The following GABBR2 variants were observed in gnomAD, a reference collection of about 807,000 sequenced individuals.
The protein encoded by GABBR2 is G-protein coupled receptor 51.
GABBR2 carries 23 observed loss-of-function variants against 105.6 expected under a neutral mutation model. The observed-to-expected ratio is 0.22, with a 90% CI of 0.16 to 0.31. The LOEUF is 0.31. GABBR2 is among the 10% of genes least tolerant of loss of function. GABBR2 has a pLI of 1.00. For synonymous variants in GABBR2, 478 were observed against 499.7 expected (o/e 0.96, Z 0.58); for missense variants, 734 against 1,245.5 (o/e 0.59, Z 6.18).
intron 6 of GABBR2, among the ~76,000 whole-genome samples, chr9:98,455,462 AG>A (rs1315310903): frequency 6.6e-6 from 1 of 152,202 alleles, no homozygotes. Flanking sequence ...TATACTGAGA[AG>A]GGCCCCTTAG....
intron 4 of GABBR2, among the ~76,000 whole-genome samples, chr9:98,484,327 G>T (rs1226987486): frequency 1.3e-5 from 2 of 152,178 alleles, no homozygotes; most frequent in African/African-American, 4.8e-5. Context: ...TCCCAGAGAG[G>T]TACAAGCTCT....
At chr9:98,683,148 C>A (rs776350984) in intron 1 of GABBR2, among the ~76,000 whole-genome samples, 3 of 152,212 alleles carry the variant, frequency 2.0e-5, no homozygotes, top group Middle Eastern at 3.4e-3. Flanking sequence ...GGCTAGAGTG[C>A]AATGGCGCGA....
chr9:98,416,785 C>T (rs961394829), intron 7 of GABBR2, among the ~76,000 whole-genome samples: 4 of 152,192 alleles, frequency 2.6e-5, no homozygotes, highest in Non-Finnish European at 5.9e-5. Flanking sequence ...AGCTGGTATC[C>T]GTTGACTGCT....
intron 4 of GABBR2, among the ~76,000 whole-genome samples, chr9:98,492,584 G>C (rs542495175): frequency 6.6e-6 from 1 of 151,942 alleles, no homozygotes; most frequent in East Asian, 1.9e-4. Flanking sequence ...TCTATTCCTG[G>C]ATCCCATCTA....
At chr9:98,378,107 C>T (rs1831909647) in intron 11 of GABBR2, among the ~76,000 whole-genome samples, 1 of 152,196 alleles carries the variant, frequency 6.6e-6, no homozygotes, top group Non-Finnish European at 1.5e-5. Context: ...AGATTTATGG[C>T]CTTTTAACTA....
intron 2 of GABBR2, among the ~76,000 whole-genome samples, chr9:98,543,802 A>C (rs1828351955): frequency 6.6e-6 from 1 of 151,982 alleles, no homozygotes; most frequent in African/African-American, 2.4e-5. Context: ...TTTATGATAT[A>C]AGTTGCTAAT....
chr9:98,322,427 G>C (rs1025657369), intron 13 of GABBR2, among the ~76,000 whole-genome samples: 8 of 152,056 alleles, frequency 5.3e-5, no homozygotes, highest in Non-Finnish European at 1.2e-4. Context: ...CCAGGCTCTT[G>C]CCCTCGGTCA....
At chr9:98,384,363 G>A (rs1022535370) in intron 11 of GABBR2, among the ~76,000 whole-genome samples, 1 of 152,180 alleles carries the variant, frequency 6.6e-6, no homozygotes, top group Non-Finnish European at 1.5e-5. Flanking sequence ...GGCCGAGGCA[G>A]GCAGATCACC....
chr9:98,586,151 G>A (rs768255521), intron 1 of GABBR2, among the ~76,000 whole-genome samples: 24 of 152,146 alleles, frequency 1.6e-4, no homozygotes, highest in Non-Finnish European at 2.4e-4. Flanking sequence ...ATAGTAATGC[G>A]AACAGACAGT....
chr9:98,437,654 C>T (rs1475094993), intron 7 of GABBR2, among the ~76,000 whole-genome samples: 2 of 151,966 alleles, frequency 1.3e-5, no homozygotes, highest in Admixed American at 6.6e-5. Flanking sequence ...ATCCATCCAT[C>T]TACCCACACA....
chr9:98,552,483 G>A (rs1828507010), intron 2 of GABBR2, among the ~76,000 whole-genome samples: 1 of 152,198 alleles, frequency 6.6e-6, no homozygotes, highest in Non-Finnish European at 1.5e-5. Context: ...GCCCCAGGCT[G>A]TGTGTGTTGG....
intron 7 of GABBR2, among the ~76,000 whole-genome samples, chr9:98,429,829 A>T (rs1825766268): frequency 6.6e-6 from 1 of 152,160 alleles, no homozygotes; most frequent in African/African-American, 2.4e-5. Flanking sequence ...TACTGGGATG[A>T]TGCAATCTAG....
intron 13 of GABBR2, among the ~76,000 whole-genome samples, chr9:98,328,505 A>C (rs1408656869): frequency 1.3e-5 from 2 of 152,210 alleles, no homozygotes; most frequent in African/African-American, 4.8e-5. Flanking sequence ...TGCACGTTGC[A>C]AACAAAAAGT....
intron 7 of GABBR2, among the ~76,000 whole-genome samples, chr9:98,436,956 C>T (rs1336910505): frequency 6.6e-6 from 1 of 152,124 alleles, no homozygotes; most frequent in Non-Finnish European, 1.5e-5. Context: ...CATTTCACAG[C>T]AGAAATGCCC....
At chr9:98,628,140 T>G (rs988901500) in intron 1 of GABBR2, among the ~76,000 whole-genome samples, 1 of 152,252 alleles carries the variant, frequency 6.6e-6, no homozygotes, top group Non-Finnish European at 1.5e-5. Context: ...CAAGAATAAC[T>G]TACGTGTGTT....
At chr9:98,325,778 T>C (rs552900186) in intron 13 of GABBR2, among the ~76,000 whole-genome samples, 35 of 152,292 alleles carry the variant, frequency 2.3e-4, no homozygotes, top group African/African-American at 8.4e-4. Flanking sequence ...GCTTGGCAGA[T>C]TGCATGGTTA....
At chr9:98,422,145 TG>T (rs61583116) in intron 7 of GABBR2, among the ~76,000 whole-genome samples, 7,919 of 151,784 alleles carry the variant, frequency 0.052, 359 homozygotes, top group East Asian at 0.19. Flanking sequence ...AACAGAAAAA[TG>T]GGTGAAGCAT....
At chr9:98,340,432 C>CTTT (rs201062238) in intron 13 of GABBR2, among the ~76,000 whole-genome samples, 1 of 147,476 alleles carries the variant, frequency 6.8e-6, no homozygotes. Flanking sequence ...CTCTCTCTCT[C>CTTT]TTTTTTTTTT....
intron 17 of GABBR2, among the ~76,000 whole-genome samples, chr9:98,296,367 A>G (rs575824306): frequency 6.6e-6 from 1 of 152,328 alleles, no homozygotes; most frequent in South Asian, 2.1e-4. Flanking sequence ...AACTGTAAGA[A>G]ATACATTTCT....
Sources: gnomAD v4.1 joint callset for allele counts (sites outside exome capture counted in the v4.1 genomes callset) on GRCh38, gnomAD v4.1.1 for gene constraint, MANE v1.5 for transcripts, NCBI Gene and HGNC (gene_info 2026-07-23, HGNC 2026-07-21) for gene names.